The following ZNF707 variants were observed in gnomAD, a reference collection of about 807,000 sequenced individuals.
ZNF707 encodes the protein zinc finger protein 707.
Under a neutral mutation model 13.3 loss-of-function variants are expected in ZNF707, and 8 were observed. The observed-to-expected ratio is 0.60, with a 90% CI of 0.35 to 1.09. The LOEUF is 1.09. Among genes scored for constraint, ZNF707 ranks in the 50% least tolerant of loss-of-function variants. ZNF707 has a pLI of 0.02. For synonymous variants in ZNF707, 225 were observed against 205.6 expected (o/e 1.09, Z -0.81); for missense variants, 530 against 512.6 (o/e 1.03, Z -0.33).
chr8:143,690,875 A>G (rs1300585678), intron 3 of ZNF707, 198 bp from the exon 4 acceptor site: 25 of 691,144 alleles, frequency 3.6e-5, no homozygotes, highest in Non-Finnish European at 5.4e-5. Context: ...TTCTGACCTC[A>G]CTTAACCTTA....
Position 143,693,698 on chromosome 8 carries a change from G to A in ZNF707, c.284G>A (p.Arg95Lys), listed in dbSNP as rs1817053379. 1 of 1,605,486 alleles carries A rather than the reference G, an allele frequency of 6.2e-7. No homozygotes were observed. Among genetic ancestry groups the A allele is most frequent in the Admixed American group, 1.7e-5 (1 of 59,256 alleles). Residue 95 changes from arginine (R) to lysine (K), a missense_variant, in exon 6 of 6, where the codon AGA becomes AAA. Transcript: ENST00000358656. The surrounding 1 kb of genome is among the most constrained non-coding windows in gnomAD (Gnocchi z 4.1). Reference sequence around the variant, plus strand: ...GCAAGGAAGTCTGCAGACCCCAAGAGACCTTGTGATCATCCAGCTTGGGCT... The same window carrying A: ...GCAAGGAAGTCTGCAGACCCCAAGAAACCTTGTGATCATCCAGCTTGGGCT... ...PGARKSADPK[R>K]PCDHPAWAHK...
In ZNF707 at chr8:143,693,607, T is replaced by G; in HGVS notation, c.257-64T>G. On this transcript the variant is annotated intron_variant, in intron 5 of 5. Transcript: ENST00000358656. The surrounding 1 kb of genome is among the most constrained non-coding windows in gnomAD (Gnocchi z 4.1). Reference sequence around the variant, plus strand: ...ACCGCGCCCGGCCTCCTCTGGGCTTTGCTGGAGGCACTGCCTGGCTGTGGG... The same window carrying G: ...ACCGCGCCCGGCCTCCTCTGGGCTTGGCTGGAGGCACTGCCTGGCTGTGGG... 1 of 1,473,710 alleles carries G rather than the reference T, an allele frequency of 6.8e-7. No individual in the cohort carries two copies. The highest frequency in any genetic ancestry group is 2.7e-5 in the Admixed American group (1 of 37,484). 91.3% of individuals were successfully genotyped at this position (1,473,710 alleles called of 1,614,324 possible). A position where few individuals can be genotyped will look rare whatever the true frequency, so the allele number is the denominator to read the frequency against.
chr8:143,694,439 G>C lies in ZNF707; in HGVS notation c.1025G>C (p.Arg342Thr). The stretch of plus-strand genomic sequence containing the variant: ...CACCGGAGGCTGCACCTGACGAAGA[G>C]GTTCTACGAGTGCGGCCACTGTGGG... ...SIHRRLHLTK[R>T]FYECGHCGKG... Residue 342 changes from arginine to threonine, a missense_variant, in exon 6 of 6, where the codon AGG becomes ACG. Physicochemically the swap from Arg to Thr is moderately conservative, Grantham distance 71. Transcript: ENST00000358656. This position sits in a 1 kb window ranked among gnomAD's most constrained non-coding sequence, Gnocchi z 4.4. The C allele has an allele frequency of 6.2e-7, 1 of 1,612,420 alleles. No homozygotes were observed. Among genetic ancestry groups the C allele is most frequent in the Non-Finnish European group, 8.5e-7 (1 of 1,179,600 alleles).
intron 1 of ZNF707, among the ~76,000 whole-genome samples, chr8:143,686,383 T>A (rs185548863): frequency 3.2e-4 from 49 of 152,080 alleles, no homozygotes; most frequent in African/African-American, 1.1e-3. Flanking sequence ...GGAGCTGTTA[T>A]TTTTATCACT....
chr8:143,692,352 G>A (rs1390227212), intron 5 of ZNF707: 45 of 1,279,130 alleles, frequency 3.5e-5, no homozygotes, highest in Non-Finnish European at 4.6e-5. Flanking sequence ...CCCCGACTGT[G>A]GAGTGTCAGG....
In ZNF707 at chr8:143,690,062, C is replaced by A; in HGVS notation, c.-47C>A. On this transcript the variant is annotated 5_prime_UTR_variant, in exon 3 of 6. Transcript: ENST00000358656. ...TACATTTCTTGTCTCCCCAGATCTG[C>A]CCTCCTTGGCACTGTGCTTCCCCAG... 2 of 1,608,720 alleles carry A rather than the reference C, an allele frequency of 1.2e-6. No individual in the cohort carries two copies. The highest frequency in any genetic ancestry group is 1.1e-5 in the South Asian group (1 of 91,036).
rs374421143 is a variant in ZNF707, at chr8:143,694,305, C to T, written c.891C>T (p.Phe297=). 6.2e-6 allele frequency: 10 copies of T among 1,600,794 alleles called. No individual in the cohort carries two copies. Among genetic ancestry groups the T allele is most frequent in the Non-Finnish European group, 8.5e-6 (10 of 1,172,084 alleles). The part of the protein sequence containing the change: ...PFYCADCGKA[F]RTKENLSHHQ... ...ACTGCGCGGACTGCGGCAAAGCCTT[C>T]CGGACCAAGGAGAACCTCAGCCACC... is the stretch of plus-strand genomic sequence containing the variant. The change falls in exon 6 of 6, where the codon TTC becomes TTT. Residue 297 remains phenylalanine (F), a synonymous_variant. Transcript: ENST00000358656. This position sits in a 1 kb window ranked among gnomAD's most constrained non-coding sequence, Gnocchi z 4.4.
At chr8:143,690,025 G>A in intron 2 of ZNF707, 32 bp from the exon 3 acceptor site, 6 of 1,590,288 alleles carry the variant, frequency 3.8e-6, no homozygotes, top group Non-Finnish European at 5.1e-6. Flanking sequence ...TCCCAGGCCG[G>A]CTATACCCGC....
intron 1 of ZNF707, among the ~76,000 whole-genome samples, chr8:143,685,796 T>C (rs975644644): frequency 6.6e-5 from 10 of 152,148 alleles, no homozygotes; most frequent in Non-Finnish European, 1.3e-4. Flanking sequence ...TGAGCTGTGA[T>C]TGCACTACTG....
rs1225664738 is a variant in ZNF707, at chr8:143,693,532, T to C, written c.257-139T>C. 4 of 895,662 alleles carry C rather than the reference T, an allele frequency of 4.5e-6. No homozygotes were observed. The highest frequency in any genetic ancestry group is 6.4e-6 in the Non-Finnish European group (4 of 629,848). 55.5% of individuals were successfully genotyped at this position (895,662 alleles called of 1,614,324 possible). ...GGATGGTCTCGATCTCCTGACCTCATGATCCACCCGCCTCGGCCTCCCAAA... is the reference window on the plus strand; with the variant it reads ...GGATGGTCTCGATCTCCTGACCTCACGATCCACCCGCCTCGGCCTCCCAAA... On this transcript the variant is annotated intron_variant, in intron 5 of 5. Coordinates refer to ENST00000358656, the MANE Select transcript of ZNF707 (RefSeq NM_001100598.2). This position sits in a 1 kb window ranked among gnomAD's most constrained non-coding sequence, Gnocchi z 4.1.
In ZNF707 at chr8:143,686,167, G is replaced by A. The variant is rs368397123; in HGVS notation, c.-151+1625G>A. 2.0e-3 allele frequency among the ~76,000 whole-genome samples: 300 copies of A among 151,752 alleles called. 1 individual carries two copies. Among genetic ancestry groups the A allele is most frequent in the Middle Eastern group, 0.014 (4 of 294 alleles). On this transcript the variant is annotated intron_variant, in intron 1 of 5. Coordinates refer to ENST00000358656, the MANE Select transcript of ZNF707 (RefSeq NM_001100598.2). The stretch of plus-strand genomic sequence containing the variant: ...GGCTGAAGTGCAGTGGCATAATCTC[G>A]GCTCACTGCAACCTCCGCCTCCCGG...
At chr8:143,685,262 C>T (rs11777484) in intron 1 of ZNF707, among the ~76,000 whole-genome samples, 71,254 of 152,010 alleles carry the variant, frequency 0.47, 21,210 homozygotes, top group Non-Finnish European at 0.67. Flanking sequence ...AGGTGGCTCC[C>T]GCCTGTAATC....
At chr8:143,688,343 A>C (rs923502840) in intron 1 of ZNF707, among the ~76,000 whole-genome samples, 3 of 152,108 alleles carry the variant, frequency 2.0e-5, no homozygotes, top group Non-Finnish European at 4.4e-5. Context: ...TGAGTGTCAG[A>C]AGGAGAAAGG....
intron 5 of ZNF707, chr8:143,692,331 G>A (rs1554613878): frequency 7.8e-7 from 1 of 1,289,436 alleles, no homozygotes. Context: ...AGGTTCCTAG[G>A]TGTGTGGAGC....
rs540410511 is a variant in ZNF707 at position 143,694,272 on chromosome 8, G to A, written c.858G>A (p.Arg286=). Residue 286 remains arginine (R), a synonymous_variant, in exon 6 of 6, where the codon CGG becomes CGA. Coordinates refer to ENST00000358656, the MANE Select transcript of ZNF707 (RefSeq NM_001100598.2). This position sits in a 1 kb window ranked among gnomAD's most constrained non-coding sequence, Gnocchi z 4.4. ...ACCAGCTGGTGCACACCGGGGAGCG[G>A]CCGTTCTACTGCGCGGACTGCGGCA... ...LRHQLVHTGE[R]PFYCADCGKA... 1.3e-6 allele frequency: 2 copies of A among 1,595,342 alleles called. No individual in the cohort carries two copies. The highest frequency in any genetic ancestry group is 1.1e-5 in the South Asian group (1 of 88,556).
chr8:143,694,059 G>A lies in ZNF707; in HGVS notation c.645G>A (p.Trp215Ter). Reference protein sequence around the residue: ...ECPECGQTFRWASNLQRHQKN... With the variant: ...ECPECGQTFR ...CCGAGTGCGGCCAGACCTTCCGGTG[G>A]GCTTCAAACCTGCAGCGCCACCAGA... The change falls in exon 6 of 6, where the codon TGG (tryptophan) becomes TGA (stop). Residue 215 changes from tryptophan to a stop codon, truncating the protein, a stop_gained. Coordinates refer to ENST00000358656, the MANE Select transcript of ZNF707 (RefSeq NM_001100598.2). LOFTEE classifies it low-confidence loss of function (END_TRUNC). This position sits in a 1 kb window ranked among gnomAD's most constrained non-coding sequence, Gnocchi z 4.4. 1 of 1,607,824 alleles carries A rather than the reference G, an allele frequency of 6.2e-7. No individual in the cohort carries two copies. Among genetic ancestry groups the A allele is most frequent in the Non-Finnish European group, 8.5e-7 (1 of 1,178,016 alleles).
At chr8:143,688,696 A>C (rs7005940) in intron 1 of ZNF707, 2 of 130,828 alleles carry the variant, frequency 1.5e-5, no homozygotes, top group Non-Finnish European at 1.5e-5. Context: ...GCTGGAGTGC[A>C]CTGGCATGAT....
At chr8:143,690,892 T>TC in intron 3 of ZNF707, 181 bp from the exon 4 acceptor site, 1 of 780,970 alleles carries the variant, frequency 1.3e-6, no homozygotes, top group Non-Finnish European at 2.0e-6. Flanking sequence ...CTTAATCTCT[T>TC]CCACAGAGGC....
At chr8:143,690,977 C>T (rs56377635) in intron 3 of ZNF707, 96 bp from the exon 4 acceptor site, 40,582 of 1,482,982 alleles carry the variant, frequency 0.027, 930 homozygotes, top group African/African-American at 0.11. Flanking sequence ...ATCAGTCCAC[C>T]GCAGGGCCAC....
Sources: allele counts gnomAD v4.1 joint callset (sites outside exome capture counted in the v4.1 genomes callset), GRCh38; gene constraint gnomAD v4.1.1; non-coding constraint Gnocchi (gnomAD v3.1); transcripts MANE v1.5; gene names NCBI Gene and HGNC (gene_info 2026-07-23, HGNC 2026-07-21).